Variants in BNC2 observed in about 807,000 individuals in gnomAD.
BNC2 encodes zinc finger protein basonuclin-2.
A neutral mutation model predicts 76.3 loss-of-function variants in BNC2; 20 were observed. The observed-to-expected ratio is 0.26, with a 90% confidence interval of 0.18 to 0.38. The LOEUF (loss-of-function observed/expected upper bound fraction) is 0.38. Ranked by LOEUF, BNC2 falls within the 10% of genes least tolerant of loss-of-function variation. The pLI is 1.00. For missense variants in BNC2, 1,382 were observed against 1,399.8 expected (o/e 0.99, Z 0.20); for synonymous variants, 582 against 514.8 (o/e 1.13, Z -1.77).
At chr9:16,727,700 G>A (rs1360285) in intron 3 of BNC2, 97 bp downstream of exon 3, 1,019,498 of 1,100,034 alleles carry the variant, frequency 0.93, 473,081 homozygotes, top group African/African-American at 0.99. Flanking sequence ...ATTTTAAAAA[G>A]TATTTAGAAA....
At chr9:16,605,679 T>C (rs988488806) in intron 3 of BNC2, among the ~76,000 whole-genome samples, 12 of 152,128 alleles carry the variant, frequency 7.9e-5, no homozygotes, top group African/African-American at 2.7e-4. Context: ...TGGAAGTTTA[T>C]TACAGCACAA....
At chr9:16,593,300 A>G (rs1232319575) in intron 3 of BNC2, among the ~76,000 whole-genome samples, 1 of 152,162 alleles carries the variant, frequency 6.6e-6, no homozygotes, top group Non-Finnish European at 1.5e-5. Flanking sequence ...ATATATAAAT[A>G]CAAACAGGGA....
intron 5 of BNC2, among the ~76,000 whole-genome samples, chr9:16,546,574 G>A (rs1239221367): frequency 6.6e-6 from 1 of 152,110 alleles, no homozygotes; most frequent in East Asian, 1.9e-4. Flanking sequence ...TACCAGATCT[G>A]GTTTTAGTCA....
chr9:16,858,304 A>C (rs1819312458), intron 1 of BNC2, among the ~76,000 whole-genome samples: 1 of 152,218 alleles, frequency 6.6e-6, no homozygotes, highest in Admixed American at 6.5e-5. Context: ...TTTAAACTCA[A>C]TGATAATTAA....
chr9:16,854,839 A>G (rs1335909241), intron 1 of BNC2, among the ~76,000 whole-genome samples: 1 of 151,886 alleles, frequency 6.6e-6, no homozygotes, highest in Non-Finnish European at 1.5e-5. Flanking sequence ...AGGGGTAAAC[A>G]CTGTCAATAC....
intron 5 of BNC2, among the ~76,000 whole-genome samples, chr9:16,446,670 T>C (rs773771472): frequency 1.9e-4 from 29 of 152,160 alleles, no homozygotes; most frequent in Admixed American, 5.9e-4. Context: ...AAAAATTTAC[T>C]GTTACAGAAT....
chr9:16,700,963 C>T (rs144121192), intron 3 of BNC2, among the ~76,000 whole-genome samples: 113 of 152,252 alleles, frequency 7.4e-4, no homozygotes, highest in African/African-American at 2.7e-3. Flanking sequence ...TAAAATTATA[C>T]TGATTAGCTT....
At chr9:16,710,534 G>C (rs1823806722) in intron 3 of BNC2, among the ~76,000 whole-genome samples, 1 of 152,150 alleles carries the variant, frequency 6.6e-6, no homozygotes, top group Non-Finnish European at 1.5e-5. Context: ...AATCTTAGGA[G>C]ACCGAACATA....
chr9:16,498,282 TATATATATTCCATC>T lies in BNC2; in HGVS notation c.669+54234_669+54247del, dbSNP rs1410799375. 2.2e-4 allele frequency among the ~76,000 whole-genome samples: 24 copies of T among 109,860 alleles called. 1 individual carries two copies. Among genetic ancestry groups the T allele is most frequent in the African/African-American group, 7.1e-4 (22 of 31,000 alleles). 72.1% of individuals were successfully genotyped at this position (109,860 alleles called of 152,430 possible). A position where few individuals can be genotyped will look rare whatever the true frequency, so the allele number is the denominator to read the frequency against. On this transcript the variant is annotated intron_variant, in intron 5 of 6. Coordinates refer to ENST00000380672, the MANE Select transcript of BNC2 (RefSeq NM_017637.6). ...CATCATATATATATTCCATCATATA[TATATATATTCCATC>T]ATATATATATATGAATATATGATGG...
intron 1 of BNC2, among the ~76,000 whole-genome samples, chr9:16,748,960 A>C (rs1489650854): frequency 6.8e-6 from 1 of 147,080 alleles, no homozygotes; most frequent in African/African-American, 2.5e-5. Context: ...GAAATTAACA[A>C]AATAAAAAAA....
At chr9:16,762,955 G>A (rs949282221) in intron 1 of BNC2, among the ~76,000 whole-genome samples, 18 of 152,126 alleles carry the variant, frequency 1.2e-4, no homozygotes, top group Admixed American at 6.5e-4. Context: ...CATTTCCAGT[G>A]TACATAATAG....
intron 1 of BNC2, among the ~76,000 whole-genome samples, chr9:16,758,003 T>A (rs10756808): frequency 0.81 from 123,415 of 152,172 alleles, 51,510 homozygotes; most frequent in Non-Finnish European, 0.91. Flanking sequence ...TACAGTTATA[T>A]TGGTCAGAAG....
intron 1 of BNC2, among the ~76,000 whole-genome samples, chr9:16,818,336 G>A (rs1410548398): frequency 2.0e-5 from 3 of 152,144 alleles, no homozygotes; most frequent in African/African-American, 4.8e-5. Flanking sequence ...CCTTGGAGGC[G>A]GAGCTTGTAG....
At chr9:16,614,373 C>A (rs1820636448) in intron 3 of BNC2, among the ~76,000 whole-genome samples, 1 of 151,682 alleles carries the variant, frequency 6.6e-6, no homozygotes, top group Non-Finnish European at 1.5e-5. Flanking sequence ...GCAATCAACA[C>A]ATGTATGCTT....
At chr9:16,710,743 C>T (rs911381243) in intron 3 of BNC2, among the ~76,000 whole-genome samples, 2 of 152,132 alleles carry the variant, frequency 1.3e-5, no homozygotes, top group African/African-American at 4.8e-5. Context: ...CCATTCTCCC[C>T]TCCCCCTCCC....
At chr9:16,671,857 A>G (rs1166940213) in intron 3 of BNC2, among the ~76,000 whole-genome samples, 1 of 152,242 alleles carries the variant, frequency 6.6e-6, no homozygotes, top group African/African-American at 2.4e-5. Flanking sequence ...AAATATATCT[A>G]CATAGCTCAA....
At chr9:16,749,237 A>G (rs1050522683) in intron 1 of BNC2, among the ~76,000 whole-genome samples, 1 of 152,208 alleles carries the variant, frequency 6.6e-6, no homozygotes, top group African/African-American at 2.4e-5. Flanking sequence ...CAAGTTAAAT[A>G]AAAGATGTAA....
intron 5 of BNC2, among the ~76,000 whole-genome samples, chr9:16,517,625 G>A (rs1055390231): frequency 3.9e-5 from 6 of 152,102 alleles, no homozygotes; most frequent in African/African-American, 1.4e-4. Flanking sequence ...ACCTGACCTG[G>A]TGTCCTATGA....
At chr9:16,575,454 G>T in intron 4 of BNC2, 3 of 985,272 alleles carry the variant, frequency 3.0e-6, no homozygotes, top group Non-Finnish European at 3.6e-6. Flanking sequence ...AGACAGCCCA[G>T]GACTTTGAAG....
Sources: gnomAD v4.1 joint callset for allele counts (sites outside exome capture counted in the v4.1 genomes callset) on GRCh38, gnomAD v4.1.1 for gene constraint, MANE v1.5 for transcripts, NCBI Gene and HGNC (gene_info 2026-07-23, HGNC 2026-07-21) for gene names.